KCNN2: variants seen among roughly 807,000 people sequenced by gnomAD.
KCNN2 encodes the protein potassium calcium-activated channel subfamily N member 2, also known as small conductance calcium-activated potassium channel protein 2.
Under a neutral mutation model 55.5 loss-of-function variants are expected in KCNN2, and 24 were observed. That is an observed-to-expected ratio of 0.43 (90% CI 0.31 to 0.61). The LOEUF is 0.61. Ranked by LOEUF, KCNN2 falls within the 20% of genes least tolerant of loss-of-function variation. The pLI is 0.08. For synonymous variants in KCNN2, 431 were observed against 336.1 expected, an observed-to-expected ratio of 1.28 and a Z score of -3.09; for missense variants, 754 against 853.6, an observed-to-expected ratio of 0.88 and a Z score of 1.45.
intron 2 of KCNN2, among the ~76,000 whole-genome samples, chr5:114,332,854 T>A (rs186942774): frequency 6.6e-6 from 1 of 152,220 alleles, no homozygotes; most frequent in Non-Finnish European, 1.5e-5. Flanking sequence ...CTTATTCAAA[T>A]GCTACTCATT....
chr5:114,131,327 T>A (rs1752068552), intron 1 of KCNN2, among the ~76,000 whole-genome samples: 1 of 152,134 alleles, frequency 6.6e-6, no homozygotes, highest in Admixed American at 6.5e-5. Flanking sequence ...CTGACCCCCA[T>A]GTGTCCATGT....
intron 1 of KCNN2, among the ~76,000 whole-genome samples, chr5:114,110,594 T>C (rs1349935405): frequency 6.6e-6 from 1 of 152,058 alleles, no homozygotes; most frequent in Non-Finnish European, 1.5e-5. Context: ...TTCAGTTTCC[T>C]TTTTTTCCCA....
rs1751417946 is a variant in KCNN2 at position 114,103,566 on chromosome 5, A to G, written c.-271+47066A>G. ...GTGTGATATTGGCTGTGGGTCTGTCATAAATAGCTCTTATTATTTTGAGGT... is the reference window on the plus strand; with the variant it reads ...GTGTGATATTGGCTGTGGGTCTGTCGTAAATAGCTCTTATTATTTTGAGGT... On this transcript the variant is annotated intron_variant, in intron 1 of 10. Transcript: ENST00000512097. Among the ~76,000 whole-genome samples, 3 of 152,178 alleles carry G rather than the reference A, an allele frequency of 2.0e-5. No individual in the cohort carries two copies. In the South Asian group the frequency reaches 6.2e-4, roughly 32 times the overall value.
At chr5:114,146,850 C>T (rs1309600573) in intron 1 of KCNN2, among the ~76,000 whole-genome samples, 1 of 152,092 alleles carries the variant, frequency 6.6e-6, no homozygotes, top group Non-Finnish European at 1.5e-5. Context: ...GGATAAAGGT[C>T]CAGGCAAATT....
At chr5:114,106,825 G>A (rs925122909) in intron 1 of KCNN2, among the ~76,000 whole-genome samples, 1 of 151,690 alleles carries the variant, frequency 6.6e-6, no homozygotes, top group African/African-American at 2.4e-5. Context: ...GCCACTCAGT[G>A]GTTTGACTTC....
chr5:114,441,488 A>G (rs756899878), intron 3 of KCNN2, among the ~76,000 whole-genome samples: 1 of 152,240 alleles, frequency 6.6e-6, no homozygotes. Context: ...ATGTTCTCAG[A>G]GAACAATGCA....
chr5:114,159,214 G>A (rs372197157), intron 1 of KCNN2, among the ~76,000 whole-genome samples: 1 of 152,060 alleles, frequency 6.6e-6, no homozygotes, highest in African/African-American at 2.4e-5. Context: ...TAGCATGAAG[G>A]GTTGTTGAAT....
intron 1 of KCNN2, among the ~76,000 whole-genome samples, chr5:114,113,582 A>C (rs1751648457): frequency 6.6e-6 from 1 of 152,126 alleles, no homozygotes; most frequent in African/African-American, 2.4e-5. Flanking sequence ...AAAGAAGTAA[A>C]GCTTCAAAGA....
At chr5:114,443,330 C>A (rs1251913866) in intron 3 of KCNN2, among the ~76,000 whole-genome samples, 1 of 151,368 alleles carries the variant, frequency 6.6e-6, no homozygotes, top group Non-Finnish European at 1.5e-5. Context: ...AAAAAAGAGG[C>A]TTAAGAACAT....
At chr5:114,157,563 T>A (rs1443548458) in intron 1 of KCNN2, among the ~76,000 whole-genome samples, 2 of 152,180 alleles carry the variant, frequency 1.3e-5, no homozygotes, top group Non-Finnish European at 2.9e-5. Flanking sequence ...GAGTTCTAGA[T>A]CCCTGAGGAA....
At chr5:114,434,494 C>T (rs1759933315) in intron 3 of KCNN2, among the ~76,000 whole-genome samples, 1 of 152,176 alleles carries the variant, frequency 6.6e-6, no homozygotes, top group Non-Finnish European at 1.5e-5. Flanking sequence ...CTTGCTCTGT[C>T]TTCACACTTT....
At chr5:114,368,702 T>G (rs940400683) in intron 2 of KCNN2, among the ~76,000 whole-genome samples, 1 of 152,204 alleles carries the variant, frequency 6.6e-6, no homozygotes, top group Non-Finnish European at 1.5e-5. Flanking sequence ...GAATAAAAAG[T>G]GAAAGTCGCA....
At chr5:114,403,716 G>A (rs1194211385) in intron 2 of KCNN2, among the ~76,000 whole-genome samples, 2 of 152,060 alleles carry the variant, frequency 1.3e-5, no homozygotes, top group Middle Eastern at 3.4e-3. Flanking sequence ...TTGCTTTCTC[G>A]CTGGTTTTTT....
intron 3 of KCNN2, among the ~76,000 whole-genome samples, chr5:114,452,616 C>G (rs1760743095): frequency 6.6e-6 from 1 of 152,176 alleles, no homozygotes; most frequent in African/African-American, 2.4e-5. Context: ...TTAAAATCAT[C>G]TGGGGAGCTT....
At chr5:114,160,928 A>T (rs1752763212) in intron 1 of KCNN2, among the ~76,000 whole-genome samples, 1 of 152,152 alleles carries the variant, frequency 6.6e-6, no homozygotes, top group Non-Finnish European at 1.5e-5. Flanking sequence ...TCCTGAATAC[A>T]GCACACTGAT....
intron 3 of KCNN2, among the ~76,000 whole-genome samples, chr5:114,419,929 T>A (rs1759425201): frequency 6.6e-6 from 1 of 152,190 alleles, no homozygotes; most frequent in African/African-American, 2.4e-5. Flanking sequence ...GCCCAGGAGT[T>A]TGAGGCTGCA....
At chr5:114,429,844 CAT>C (rs1759739062) in intron 3 of KCNN2, among the ~76,000 whole-genome samples, 1 of 77,614 alleles carries the variant, frequency 1.3e-5, no homozygotes, top group African/African-American at 4.5e-5. Flanking sequence ...TTTTTTTTAA[CAT>C]GTGGATGCCC....
intron 2 of KCNN2, among the ~76,000 whole-genome samples, chr5:114,275,598 CA>C: frequency 6.6e-6 from 1 of 152,114 alleles, no homozygotes; most frequent in African/African-American, 2.4e-5. Context: ...CCATTTCTTC[CA>C]GATTTTCTAG....
chr5:114,166,830 A>G (rs775374868), intron 1 of KCNN2, among the ~76,000 whole-genome samples: 1 of 152,108 alleles, frequency 6.6e-6, no homozygotes, highest in South Asian at 2.1e-4. Context: ...TGGAACCCTG[A>G]TGAATGAGAT....
Sources: allele counts gnomAD v4.1 joint callset (sites outside exome capture counted in the v4.1 genomes callset), GRCh38; gene constraint gnomAD v4.1.1; transcripts MANE v1.5; gene names NCBI Gene and HGNC (gene_info 2026-07-23, HGNC 2026-07-21).